Variants in DLG2 observed in about 807,000 individuals in gnomAD.
DLG2 encodes disks large homolog 2.
DLG2 carries 45 observed loss-of-function variants against 132.5 expected under a neutral mutation model. The ratio of observed to expected loss-of-function variants is 0.34; its 90% confidence interval spans 0.27 to 0.44. DLG2 has a LOEUF of 0.44. Among genes scored for constraint, DLG2 ranks in the 20% least tolerant of loss-of-function variants. The pLI, the probability that DLG2 is intolerant of heterozygous loss-of-function variation, is 1.00. For synonymous variants in DLG2, 424 were observed against 419.6 expected (o/e 1.01, Z -0.13); for missense variants, 1,045 against 1,196.9 (o/e 0.87, Z 1.87).
At chr11:84,851,652 G>A (rs1261739912) in intron 6 of DLG2, among the ~76,000 whole-genome samples, 4 of 151,912 alleles carry the variant, frequency 2.6e-5, no homozygotes, top group Non-Finnish European at 5.9e-5. Flanking sequence ...GTTGATGGAG[G>A]GTGTAGTCTT....
intron 6 of DLG2, among the ~76,000 whole-genome samples, chr11:84,969,436 C>A (rs183810697): frequency 1.3e-3 from 195 of 152,254 alleles, no homozygotes; most frequent in African/African-American, 4.5e-3. Flanking sequence ...TCTTCTAGAA[C>A]TTTATATGAG....
chr11:83,820,027 G>C (rs1032160185), intron 17 of DLG2, among the ~76,000 whole-genome samples: 17 of 152,024 alleles, frequency 1.1e-4, no homozygotes, highest in Non-Finnish European at 2.4e-4. Flanking sequence ...ATTTTAAAAA[G>C]CTATCATTAT....
intron 7 of DLG2, among the ~76,000 whole-genome samples, chr11:84,274,142 G>C (rs1178283021): frequency 1.3e-5 from 2 of 152,108 alleles, no homozygotes; most frequent in African/African-American, 2.4e-5. Flanking sequence ...AATAAAATAT[G>C]AACAGAATTT....
chr11:85,055,622 C>T (rs2063373998), intron 6 of DLG2, among the ~76,000 whole-genome samples: 1 of 152,030 alleles, frequency 6.6e-6, no homozygotes, highest in Admixed American at 6.6e-5. Context: ...TTTGCAGTGA[C>T]AAAAAGTACA....
chr11:84,550,776 C>A (rs757958557), intron 6 of DLG2, among the ~76,000 whole-genome samples: 6 of 152,054 alleles, frequency 3.9e-5, no homozygotes, highest in Admixed American at 6.6e-5. Flanking sequence ...GTTTATCTAG[C>A]GTGTTATATG....
At chr11:84,878,154 T>G (rs1226831983) in intron 6 of DLG2, among the ~76,000 whole-genome samples, 4 of 152,158 alleles carry the variant, frequency 2.6e-5, no homozygotes, top group Admixed American at 2.0e-4. Context: ...GACAGTGTGG[T>G]GACTCCTCAA....
Position 85,154,633 on chromosome 11 carries a change from A to G in DLG2, c.205T>C (p.Ser69Pro). 1 of 1,510,318 alleles carries G rather than the reference A, an allele frequency of 6.6e-7. No homozygotes were observed. The highest frequency in any genetic ancestry group is 1.2e-5 in the South Asian group (1 of 80,550). The allele number at this position is 1,510,318 out of a possible 1,614,324, so 93.6% of individuals were successfully genotyped here. A position where few individuals can be genotyped will look rare whatever the true frequency, so the allele number is the denominator to read the frequency against. ...TCAATACATGAAGCATTTTCCTTTG[A>G]TCCACTGCAATCTGTAAGCTAAAAT... ...KSSELTDCSG[S>P]KENASCIEQN... The change falls in exon 5 of 28, where the codon TCA (serine) becomes CCA (proline). Residue 69 changes from serine to proline, a missense_variant. Ser to Pro is a moderately conservative substitution (Grantham distance 74, BLOSUM62 -1). Coordinates refer to ENST00000376104, the MANE Select transcript of DLG2 (RefSeq NM_001142699.3).
intron 6 of DLG2, among the ~76,000 whole-genome samples, chr11:84,983,280 T>C (rs1481742587): frequency 1.3e-5 from 2 of 152,130 alleles, no homozygotes. Context: ...CTGGTATCCA[T>C]GGCTGAGAGA....
Position 83,504,532 on chromosome 11 carries a change from A to T in DLG2, c.2194-20304T>A, listed in dbSNP as rs140577689. On this transcript the variant is annotated intron_variant, in intron 21 of 27. Coordinates refer to ENST00000376104, the MANE Select transcript of DLG2 (RefSeq NM_001142699.3). ...CTTTTTAGCCTGCTGACTTAAAAGTAGGAGGAGCCCAAAGTGTCCAGGTGG... is the reference window on the plus strand; with the variant it reads ...CTTTTTAGCCTGCTGACTTAAAAGTTGGAGGAGCCCAAAGTGTCCAGGTGG... Among the ~76,000 whole-genome samples the T allele has an allele frequency of 4.1e-4, 62 of 152,320 alleles. No homozygotes were observed. In the East Asian group the frequency reaches 0.011, roughly 26 times the overall value.
chr11:83,663,503 C>G (rs1334777920), intron 18 of DLG2, among the ~76,000 whole-genome samples: 1 of 152,200 alleles, frequency 6.6e-6, no homozygotes, highest in Non-Finnish European at 1.5e-5. Context: ...TCTGGCAAGA[C>G]ACCCTGTTAA....
intron 15 of DLG2, among the ~76,000 whole-genome samples, chr11:83,897,783 G>T (rs2072200959): frequency 6.6e-6 from 1 of 152,062 alleles, no homozygotes; most frequent in Admixed American, 6.6e-5. Context: ...GTCATGGTGG[G>T]AACTGATAGA....
chr11:84,532,958 C>T (rs2099346404), intron 7 of DLG2, among the ~76,000 whole-genome samples: 1 of 152,190 alleles, frequency 6.6e-6, no homozygotes, highest in Non-Finnish European at 1.5e-5. Flanking sequence ...TTAAAGAGTA[C>T]TGTCTAACTC....
chr11:85,430,579 T>A (rs1446401411), intron 3 of DLG2, among the ~76,000 whole-genome samples: 1 of 152,118 alleles, frequency 6.6e-6, no homozygotes, highest in Non-Finnish European at 1.5e-5. Flanking sequence ...AGCTAAAATG[T>A]GAGAAGTAAA....
rs188473510 is a variant in DLG2, at chr11:84,513,463, A to G, written c.519+21107T>C. On this transcript the variant is annotated intron_variant, in intron 7 of 27. Coordinates refer to ENST00000376104, the MANE Select transcript of DLG2 (RefSeq NM_001142699.3). ...ACTACAGGGCTATTGTAACCAAAAAAGCATGGTATTGGCATAAAAACAGAG... is the reference window on the plus strand; with the variant it reads ...ACTACAGGGCTATTGTAACCAAAAAGGCATGGTATTGGCATAAAAACAGAG... 3.8e-3 allele frequency among the ~76,000 whole-genome samples: 572 copies of G among 152,248 alleles called. 12 individuals are homozygous for G. The highest frequency in any genetic ancestry group is 0.032 in the Admixed American group (495 of 15,260).
chr11:85,519,376 C>A (rs1318747905), intron 3 of DLG2, among the ~76,000 whole-genome samples: 1 of 152,166 alleles, frequency 6.6e-6, no homozygotes, highest in Non-Finnish European at 1.5e-5. Flanking sequence ...GACATGGAGT[C>A]AAAGGGGATC....
At chr11:84,263,776 G>C (rs2154359198) in intron 7 of DLG2, among the ~76,000 whole-genome samples, 1 of 152,192 alleles carries the variant, frequency 6.6e-6, no homozygotes, top group African/African-American at 2.4e-5. Flanking sequence ...TTTATATCTA[G>C]AATGATTCTT....
chr11:85,054,468 C>A (rs2063249250), intron 6 of DLG2, among the ~76,000 whole-genome samples: 1 of 152,132 alleles, frequency 6.6e-6, no homozygotes. Context: ...GTGGAAATTT[C>A]TCAAAAAACT....
chr11:85,510,251 T>A (rs1237878879), intron 3 of DLG2, among the ~76,000 whole-genome samples: 1 of 151,846 alleles, frequency 6.6e-6, no homozygotes, highest in Non-Finnish European at 1.5e-5. Context: ...TAGGCAGAAG[T>A]CATACCAGGA....
rs866042963 is a variant in DLG2 at position 83,750,994 on chromosome 11, C to A, written c.1825+35696G>T. ...AGATAAACTCTCTGTCCTCACTGAA[C>A]TTCTCTTCTAATGAGAGAGACAGAA... On this transcript the variant is annotated intron_variant, in intron 18 of 27. Transcript: ENST00000376104. Among the ~76,000 whole-genome samples, 37 of 152,180 alleles carry A rather than the reference C, an allele frequency of 2.4e-4. 1 individual carries two copies. Among genetic ancestry groups the A allele is most frequent in the African/African-American group, 7.5e-4 (31 of 41,450 alleles).
Sources: gnomAD v4.1 joint callset for allele counts (sites outside exome capture counted in the v4.1 genomes callset) on GRCh38, gnomAD v4.1.1 for gene constraint, MANE v1.5 for transcripts, NCBI Gene and HGNC (gene_info 2026-07-23, HGNC 2026-07-21) for gene names.